WDTC1: variants seen among roughly 807,000 people sequenced by gnomAD.
WDTC1 encodes WD and tetratricopeptide repeats 1.
A neutral mutation model predicts 76.0 loss-of-function variants in WDTC1; 12 were observed. The ratio of observed to expected loss-of-function variants is 0.16; its 90% CI spans 0.10 to 0.26. The LOEUF (loss-of-function observed/expected upper bound fraction) is 0.26. WDTC1 is among the 10% of genes least tolerant of loss of function. The probability of loss-of-function intolerance (pLI) is 1.00; values close to 1 mark genes in which losing one functional copy is unlikely to be tolerated. For missense variants in WDTC1, 511 were observed against 908.8 expected (o/e 0.56, Z 5.63); for synonymous variants, 326 against 350.8 (o/e 0.93, Z 0.79).
Position 27,306,171 on chromosome 1 carries a change from C to T in WDTC1, c.1837-15C>T. 2 of 1,613,980 alleles carry T rather than the reference C, an allele frequency of 1.2e-6. No individual in the cohort carries two copies. The highest frequency in any genetic ancestry group is 1.7e-6 in the Non-Finnish European group (2 of 1,179,982). ...TCCCTGAGCCCCACGTGTGTCACCC[C>T]TTTCTCCACCACAGAGTGAAGACCT... On this transcript the variant is annotated splice_polypyrimidine_tract_variant and intron_variant, in intron 15 of 15. Coordinates refer to ENST00000319394, the MANE Select transcript of WDTC1 (RefSeq NM_001276252.2). The surrounding 1 kb of genome is among the most constrained non-coding windows in gnomAD (Gnocchi z 5.0).
chr1:27,297,818 T>C, intron 11 of WDTC1, 120 bp from the exon 12 acceptor site: 2 of 1,038,180 alleles, frequency 1.9e-6, no homozygotes, highest in Admixed American at 3.0e-5. Flanking sequence ...CTCTTCCAGA[T>C]AGCAGTCAGA....
In WDTC1 at chr1:27,306,722, G is replaced by A. The variant is rs147867033; in HGVS notation, c.*339G>A. 1.4e-5 allele frequency: 5 copies of A among 361,128 alleles called. No homozygotes were observed. In the East Asian group the frequency reaches 3.0e-4, roughly 22 times the overall value. 22.4% of individuals were successfully genotyped at this position (361,128 alleles called of 1,614,324 possible). A position where few individuals can be genotyped will look rare whatever the true frequency, so the allele number is the denominator to read the frequency against. ...CAGGTGGGGAGGAACAAGCTGAACT[G>A]TCTTCAGGGACTGTCCTGCCCTTTA... On this transcript the variant is annotated 3_prime_UTR_variant, in exon 16 of 16. Coordinates refer to ENST00000319394, the MANE Select transcript of WDTC1 (RefSeq NM_001276252.2). This position sits in a 1 kb window ranked among gnomAD's most constrained non-coding sequence, Gnocchi z 5.0.
chr1:27,296,467 G>T lies in WDTC1; in HGVS notation c.949+66G>T. 3.3e-6 allele frequency: 5 copies of T among 1,535,542 alleles called. No individual in the cohort carries two copies. In the Admixed American group the frequency reaches 8.4e-5, roughly 26 times the overall value. ...GGGAGCTTAAGTGCATGCTACACCT[G>T]CTGAGAAGCCTGCCCTTTACTCTGG... On this transcript the variant is annotated intron_variant, in intron 10 of 15. Coordinates refer to ENST00000319394, the MANE Select transcript of WDTC1 (RefSeq NM_001276252.2).
chr1:27,240,324 T>C (rs2011590879), intron 1 of WDTC1, among the ~76,000 whole-genome samples: 1 of 152,158 alleles, frequency 6.6e-6, no homozygotes, highest in African/African-American at 2.4e-5. Context: ...GTTACACAAC[T>C]AGTAGTGTAG....
In WDTC1 at chr1:27,298,028, G is replaced by A; in HGVS notation, c.1149G>A (p.Gln383=). 6.2e-7 allele frequency: 1 copy of A among 1,614,116 alleles called. No homozygotes were observed. Among genetic ancestry groups the A allele is most frequent in the Non-Finnish European group, 8.5e-7 (1 of 1,179,978 alleles). Residue 383 remains glutamine (Q), a synonymous_variant, in exon 12 of 16, where the codon CAG becomes CAA. Coordinates refer to ENST00000319394, the MANE Select transcript of WDTC1 (RefSeq NM_001276252.2). ...GCCAGCAGTGGACCCAAGCCATTCA[G>A]CTTTACAGCAAGGCTGTGCAGAGGG... is the stretch of plus-strand genomic sequence containing the variant. ...FACQQWTQAI[Q]LYSKAVQRAP...
At position 27,301,196 on chromosome 1, in the gene WDTC1, C is replaced by A; in HGVS notation, c.1233-30C>A. On this transcript the variant is annotated intron_variant, in intron 12 of 15. Transcript: ENST00000319394. The surrounding 1 kb of genome is among the most constrained non-coding windows in gnomAD (Gnocchi z 5.8). ...ACCCCTTGCTTGCCACGTGGCTCCA[C>A]CTCCAAGCCGCTCTTCCCTGCCTTC... 1 of 1,607,072 alleles carries A rather than the reference C, an allele frequency of 6.2e-7. No individual in the cohort carries two copies. The highest frequency in any genetic ancestry group is 8.5e-7 in the Non-Finnish European group (1 of 1,175,334).
chr1:27,305,706 G>C lies in WDTC1; in HGVS notation c.1837-480G>C, dbSNP rs1469007919. 6.6e-6 allele frequency among the ~76,000 whole-genome samples: 1 copy of C among 152,098 alleles called. No homozygotes were observed. Among genetic ancestry groups the C allele is most frequent in the Non-Finnish European group, 1.5e-5 (1 of 68,008 alleles). On this transcript the variant is annotated intron_variant, in intron 15 of 15. Transcript: ENST00000319394. This position sits in a 1 kb window ranked among gnomAD's most constrained non-coding sequence, Gnocchi z 4.6. Reference sequence around the variant, plus strand: ...CCCTACTGCTTCCCTCTTCCCAGCTGGCAAAACAAAAGTCAAGTGGTATGT... The same window carrying C: ...CCCTACTGCTTCCCTCTTCCCAGCTCGCAAAACAAAAGTCAAGTGGTATGT...
chr1:27,277,612 AT>A (rs1294732753), intron 3 of WDTC1, among the ~76,000 whole-genome samples: 1 of 152,068 alleles, frequency 6.6e-6, no homozygotes, highest in African/African-American at 2.4e-5. Context: ...TGATACTCTT[AT>A]CAGAAATCAA....
At chr1:27,289,444 G>T (rs1455900523) in intron 6 of WDTC1, among the ~76,000 whole-genome samples, 1 of 150,722 alleles carries the variant, frequency 6.6e-6, no homozygotes, top group Non-Finnish European at 1.5e-5. Context: ...GGGCAGAGAC[G>T]CTCCTCACTT....
chr1:27,273,985 A>G (rs1048467582), intron 3 of WDTC1, among the ~76,000 whole-genome samples: 1 of 152,184 alleles, frequency 6.6e-6, no homozygotes, highest in Non-Finnish European at 1.5e-5. Flanking sequence ...TAGAAAGTTT[A>G]AATTGTTCAT....
At chr1:27,272,493 C>T (rs75775421) in intron 3 of WDTC1, among the ~76,000 whole-genome samples, 5,293 of 152,276 alleles carry the variant, frequency 0.035, 131 homozygotes, top group Middle Eastern at 0.048. Flanking sequence ...TCATTTGTAG[C>T]AGTATTGCTG....
intron 3 of WDTC1, among the ~76,000 whole-genome samples, chr1:27,264,220 G>A (rs570439746): frequency 3.3e-5 from 5 of 152,136 alleles, no homozygotes; most frequent in South Asian, 2.1e-4. Context: ...CCCAGGAGGC[G>A]GAAGTTGCAG....
chr1:27,238,606 T>A (rs2011543037), intron 1 of WDTC1, among the ~76,000 whole-genome samples: 1 of 151,922 alleles, frequency 6.6e-6, no homozygotes, highest in Non-Finnish European at 1.5e-5. Flanking sequence ...CACTTCATCT[T>A]CCAGGCTGGA....
At chr1:27,282,118 C>A in intron 3 of WDTC1, 121 bp from the exon 4 acceptor site, 1 of 926,134 alleles carries the variant, frequency 1.1e-6, no homozygotes, top group Non-Finnish European at 1.7e-6. Flanking sequence ...CACTCACATG[C>A]ACTTGGAAAA....
At chr1:27,286,647 A>G (rs2013348928) in intron 5 of WDTC1, among the ~76,000 whole-genome samples, 1 of 150,952 alleles carries the variant, frequency 6.6e-6, no homozygotes, top group African/African-American at 2.4e-5. Flanking sequence ...TATTTTTAGT[A>G]GAGACGGGGT....
chr1:27,303,912 C>A lies in WDTC1; in HGVS notation c.1643+117C>A. On this transcript the variant is annotated intron_variant, in intron 14 of 15. Transcript: ENST00000319394. The surrounding 1 kb of genome is among the most constrained non-coding windows in gnomAD (Gnocchi z 4.8). Reference sequence around the variant, plus strand: ...CAAATCCCTGCTCTGCCTCTGTACCCTTGGGCAAATGGCTTCACCTTTGTC... The same window carrying A: ...CAAATCCCTGCTCTGCCTCTGTACCATTGGGCAAATGGCTTCACCTTTGTC... The A allele has an allele frequency of 7.1e-7, 1 of 1,399,038 alleles. No individual in the cohort carries two copies. The highest frequency in any genetic ancestry group is 9.8e-7 in the Non-Finnish European group (1 of 1,025,110). The allele number at this position is 1,399,038 out of a possible 1,614,324, so 86.7% of individuals were successfully genotyped here. A position where few individuals can be genotyped will look rare whatever the true frequency, so the allele number is the denominator to read the frequency against.
At chr1:27,260,104 TTTTG>T (rs1332926599) in intron 1 of WDTC1, among the ~76,000 whole-genome samples, 1 of 151,936 alleles carries the variant, frequency 6.6e-6, no homozygotes, top group African/African-American at 2.4e-5. Context: ...GTTTTTGTTT[TTTTG>T]TTTTGTTTTG....
intron 1 of WDTC1, among the ~76,000 whole-genome samples, chr1:27,244,767 A>G (rs754070935): frequency 1.5e-4 from 23 of 152,282 alleles, no homozygotes; most frequent in Non-Finnish European, 2.6e-4. Flanking sequence ...GTGAAAGGAA[A>G]CTTGCATACA....
rs757373477 is a variant in WDTC1, at chr1:27,272,650, T to A, written c.132+9415T>A. On this transcript the variant is annotated intron_variant, in intron 3 of 15. Transcript: ENST00000319394. ...GAACTCTAAGGTACTGGATTGGAATTAGCTTGTTTCAATATAAACTCATGA... is the reference window on the plus strand; with the variant it reads ...GAACTCTAAGGTACTGGATTGGAATAAGCTTGTTTCAATATAAACTCATGA... Among the ~76,000 whole-genome samples, 6 of 152,156 alleles carry A rather than the reference T, an allele frequency of 3.9e-5. No homozygotes were observed. In the South Asian group the frequency reaches 8.3e-4, roughly 21 times the overall value.
Sources: allele counts gnomAD v4.1 joint callset (sites outside exome capture counted in the v4.1 genomes callset), GRCh38; gene constraint gnomAD v4.1.1; non-coding constraint Gnocchi (gnomAD v3.1); transcripts MANE v1.5; gene names NCBI Gene and HGNC (gene_info 2026-07-23, HGNC 2026-07-21).